GATAD2B: variants seen among roughly 807,000 people sequenced by gnomAD.
GATAD2B encodes the protein transcriptional repressor p66-beta.
Under a neutral mutation model 64.3 loss-of-function variants are expected in GATAD2B, and 8 were observed. That is an observed-to-expected ratio of 0.12 (90% CI 0.07 to 0.22). GATAD2B has a LOEUF of 0.22. Among genes scored for constraint, GATAD2B ranks in the 10% least tolerant of loss-of-function variants. The probability of loss-of-function intolerance (pLI) is 1.00; values close to 1 mark genes in which losing one functional copy is unlikely to be tolerated. For missense variants in GATAD2B, 453 were observed against 752.0 expected, an observed-to-expected ratio of 0.60 and a Z score of 4.65; for synonymous variants, 281 against 271.3, an observed-to-expected ratio of 1.04 and a Z score of -0.35.
chr1:153,892,135 A>G lies in GATAD2B; in HGVS notation c.-2+30598T>C, dbSNP rs563603616. ...AGCCGAGATCATTTCACTGCACTCTAGCCTGGCAACAGAGTGAGACTCCGT... is the reference window on the plus strand; with the variant it reads ...AGCCGAGATCATTTCACTGCACTCTGGCCTGGCAACAGAGTGAGACTCCGT... On this transcript the variant is annotated intron_variant, in intron 1 of 10. Coordinates refer to ENST00000368655, the MANE Select transcript of GATAD2B (RefSeq NM_020699.4). 1.1e-4 allele frequency among the ~76,000 whole-genome samples: 16 copies of G among 145,642 alleles called. No homozygotes were observed. In the South Asian group the frequency reaches 3.4e-3, roughly 31 times the overall value.
intron 1 of GATAD2B, among the ~76,000 whole-genome samples, chr1:153,849,734 G>A (rs369288402): frequency 1.3e-5 from 2 of 152,066 alleles, no homozygotes; most frequent in South Asian, 2.1e-4. Context: ...GGTTTCAAGC[G>A]ATTCTCCTGC....
chr1:153,838,626 G>T (rs925564089), intron 1 of GATAD2B, among the ~76,000 whole-genome samples: 3 of 152,014 alleles, frequency 2.0e-5, no homozygotes, highest in Non-Finnish European at 4.4e-5. Flanking sequence ...TCGGCCTCCT[G>T]AGTAGCTGGA....
chr1:153,828,339 T>A lies in GATAD2B; in HGVS notation c.9A>T (p.Arg3Ser). MD[R>S]MTEDALRLNL... is the part of the protein sequence containing the mutation. ...TCAAGCGAAGAGCATCTTCTGTCAT[T>A]CTATCCATCCTATGGAAAGAAAAAT... The change falls in exon 2 of 11, where the codon AGA becomes AGT. Residue 3 changes from arginine to serine, a missense_variant. By Grantham distance (110) the Arg-to-Ser change is moderately radical. Coordinates refer to ENST00000368655, the MANE Select transcript of GATAD2B (RefSeq NM_020699.4). The A allele has an allele frequency of 6.2e-7, 1 of 1,608,394 alleles. No homozygotes were observed. The highest frequency in any genetic ancestry group is 8.5e-7 in the Non-Finnish European group (1 of 1,179,524).
chr1:153,858,968 G>GT (rs1178300087), intron 1 of GATAD2B, among the ~76,000 whole-genome samples: 1 of 152,016 alleles, frequency 6.6e-6, no homozygotes, highest in Non-Finnish European at 1.5e-5. Flanking sequence ...GGGAGAGGAG[G>GT]TAACAAGTAG....
intron 1 of GATAD2B, among the ~76,000 whole-genome samples, chr1:153,912,645 A>C (rs1213595764): frequency 6.6e-6 from 1 of 152,210 alleles, no homozygotes; most frequent in Non-Finnish European, 1.5e-5. Flanking sequence ...TGTAAATGTT[A>C]AAGAGTGATT....
intron 1 of GATAD2B, among the ~76,000 whole-genome samples, chr1:153,876,249 A>AAAAAAAC (rs1676829861): frequency 6.8e-6 from 1 of 147,158 alleles, no homozygotes; most frequent in Non-Finnish European, 1.5e-5. Flanking sequence ...AAAAAAAAAA[A>AAAAAAAC]AAAAAAAAAA....
chr1:153,821,541 T>C (rs1158331454), intron 2 of GATAD2B, among the ~76,000 whole-genome samples: 2 of 151,934 alleles, frequency 1.3e-5, no homozygotes, highest in East Asian at 1.9e-4. Flanking sequence ...ACCCCAAATA[T>C]GAGGAGTAAC....
At chr1:153,867,270 GAACAT>G (rs1676510665) in intron 1 of GATAD2B, among the ~76,000 whole-genome samples, 2 of 152,096 alleles carry the variant, frequency 1.3e-5, no homozygotes, top group Non-Finnish European at 2.9e-5. Flanking sequence ...GAAACAAACA[GAACAT>G]ATCAGACCCC....
intron 1 of GATAD2B, among the ~76,000 whole-genome samples, chr1:153,897,418 T>C (rs934860090): frequency 6.6e-6 from 1 of 152,168 alleles, no homozygotes; most frequent in Non-Finnish European, 1.5e-5. Context: ...TTTCTTCTAA[T>C]ACGATGAGAA....
At chr1:153,810,393 T>C (rs1341739969) in intron 10 of GATAD2B, 83 bp from the exon 11 acceptor site, 2 of 1,421,300 alleles carry the variant, frequency 1.4e-6, no homozygotes, top group Non-Finnish European at 2.0e-6. Flanking sequence ...GGCTGCAGAG[T>C]TGGAGATGGA....
At chr1:153,906,215 C>T (rs1485977283) in intron 1 of GATAD2B, among the ~76,000 whole-genome samples, 1 of 151,946 alleles carries the variant, frequency 6.6e-6, no homozygotes, top group Middle Eastern at 3.4e-3. Flanking sequence ...GTCAGGAGTT[C>T]GAGACCAGCC....
At chr1:153,870,445 C>A (rs1347607145) in intron 1 of GATAD2B, among the ~76,000 whole-genome samples, 1 of 152,080 alleles carries the variant, frequency 6.6e-6, no homozygotes, top group Non-Finnish European at 1.5e-5. Flanking sequence ...TGGTGGCGGG[C>A]ACCTATAGTC....
At chr1:153,903,592 T>C (rs987881387) in intron 1 of GATAD2B, among the ~76,000 whole-genome samples, 6 of 152,180 alleles carry the variant, frequency 3.9e-5, no homozygotes, top group South Asian at 2.1e-4. Flanking sequence ...AATAGCAGAA[T>C]TGTAAGCAAC....
intron 7 of GATAD2B, among the ~76,000 whole-genome samples, chr1:153,814,336 T>C (rs568564136): frequency 3.9e-5 from 6 of 152,354 alleles, no homozygotes; most frequent in African/African-American, 1.4e-4. Flanking sequence ...TAATACTCTA[T>C]AGTATGGTTT....
chr1:153,825,838 A>C (rs1190919856), intron 2 of GATAD2B, among the ~76,000 whole-genome samples: 2 of 152,214 alleles, frequency 1.3e-5, no homozygotes, highest in Non-Finnish European at 2.9e-5. Flanking sequence ...TAACATGTGT[A>C]AAGTTATAAC....
Position 153,819,742 on chromosome 1 carries a change from A to G in GATAD2B, c.336-7T>C. 6.3e-7 allele frequency: 1 copy of G among 1,580,962 alleles called. No individual in the cohort carries two copies. Among genetic ancestry groups the G allele is most frequent in the Non-Finnish European group, 8.6e-7 (1 of 1,169,464 alleles). On this transcript the variant is annotated splice_polypyrimidine_tract_variant and splice_region_variant and intron_variant, in intron 2 of 10. Transcript: ENST00000368655. The stretch of plus-strand genomic sequence containing the variant: ...CCTTCCTCGCTCTGGCTCACTAGAC[A>G]AGAAAGGGAAAAAATAAGCTATTTC...
intron 1 of GATAD2B, among the ~76,000 whole-genome samples, chr1:153,860,380 G>T (rs1676239992): frequency 1.3e-5 from 2 of 152,068 alleles, no homozygotes; most frequent in Non-Finnish European, 2.9e-5. Context: ...TGTCACCTAG[G>T]CTGGAGTGCA....
At chr1:153,848,973 A>ACC (rs113142203) in intron 1 of GATAD2B, among the ~76,000 whole-genome samples, 2,455 of 141,374 alleles carry the variant, frequency 0.017, 33 homozygotes, top group East Asian at 0.048. Context: ...AAACAAACAA[A>ACC]CCCCCCCCCT....
chr1:153,821,719 G>A (rs554051147), intron 2 of GATAD2B, among the ~76,000 whole-genome samples: 33 of 151,884 alleles, frequency 2.2e-4, no homozygotes, highest in African/African-American at 8.0e-4. Context: ...ACCCGGCACC[G>A]CGCCTGGCTA....
Sources: allele counts gnomAD v4.1 joint callset (sites outside exome capture counted in the v4.1 genomes callset), GRCh38; gene constraint gnomAD v4.1.1; transcripts MANE v1.5; gene names NCBI Gene and HGNC (gene_info 2026-07-23, HGNC 2026-07-21).